Variants in CCDC149 observed in about 807,000 individuals in gnomAD.
CCDC149 encodes coiled-coil domain containing 149.
CCDC149 carries 45 observed loss-of-function variants against 59.9 expected under a neutral mutation model. That is an observed-to-expected ratio of 0.75 (90% confidence interval 0.59 to 0.96). The LOEUF is 0.96. Among genes scored for constraint, CCDC149 ranks in the 40% least tolerant of loss-of-function variants. The pLI, the probability that CCDC149 is intolerant of heterozygous loss-of-function variation, is 0.00. For synonymous variants in CCDC149, 245 were observed against 260.6 expected (o/e 0.94, Z 0.58); for missense variants, 584 against 664.7 (o/e 0.88, Z 1.33).
At chr4:24,952,159 C>A (rs886490387) in intron 1 of CCDC149, among the ~76,000 whole-genome samples, 3 of 152,180 alleles carry the variant, frequency 2.0e-5, no homozygotes, top group Non-Finnish European at 4.4e-5. Context: ...GTGAAGCATA[C>A]GTGTACACAT....
At position 24,874,275 on chromosome 4, in the gene CCDC149, G is replaced by GTTTT. The variant is rs869276822; in HGVS notation, c.226-560_226-557dup. On this transcript the variant is annotated intron_variant, in intron 2 of 12. Transcript: ENST00000635206. ...TTTTTTTTTTGTTTTGTTTTTTTTTGTTTTTTTGCCTTAAAAGGATTCTGG... is the reference window on the plus strand; with the variant it reads ...TTTTTTTTTTGTTTTGTTTTTTTTTGTTTTTTTTTTTGCCTTAAAAGGATTCTGG... 1.8e-4 allele frequency among the ~76,000 whole-genome samples: 6 copies of GTTTT among 33,844 alleles called. 1 individual carries two copies. Among genetic ancestry groups the GTTTT allele is most frequent in the African/African-American group, 4.4e-4 (6 of 13,678 alleles). 22.2% of individuals were successfully genotyped at this position (33,844 alleles called of 152,430 possible).
At position 24,856,148 on chromosome 4, in the gene CCDC149, T is replaced by C. The variant is rs562749229; in HGVS notation, c.265-2969A>G. Among the ~76,000 whole-genome samples the C allele has an allele frequency of 1.5e-4, 9 of 60,382 alleles. No individual in the cohort carries two copies. In the East Asian group the frequency reaches 8.9e-3, roughly 60 times the overall value. The allele number at this position is 60,382 out of a possible 152,430, so 39.6% of individuals were successfully genotyped here. On this transcript the variant is annotated intron_variant, in intron 3 of 12. Transcript: ENST00000635206. ...CGCTCAGTGAACAGAGCTGTGTAAA[T>C]GCAGCGAAGGCCTCTCCTTGGACAC...
intron 1 of CCDC149, among the ~76,000 whole-genome samples, chr4:24,947,975 A>G (rs1282551937): frequency 1.3e-5 from 2 of 152,204 alleles, no homozygotes; most frequent in African/African-American, 4.8e-5. Context: ...AAAATATAAC[A>G]GTGACTTCGA....
chr4:24,938,889 C>T (rs934655477), intron 1 of CCDC149, among the ~76,000 whole-genome samples: 10 of 150,546 alleles, frequency 6.6e-5, no homozygotes, highest in African/African-American at 2.0e-4. Flanking sequence ...GTAAACAAAG[C>T]GGCCGGGAAG....
At chr4:24,812,984 T>C (rs773686034) in intron 12 of CCDC149, among the ~76,000 whole-genome samples, 44 of 152,154 alleles carry the variant, frequency 2.9e-4, no homozygotes, top group Non-Finnish European at 5.0e-4. Flanking sequence ...CATATCACCC[T>C]CAGTGCTGTA....
chr4:24,814,898 T>C (rs1439545081), intron 12 of CCDC149, among the ~76,000 whole-genome samples: 1 of 152,224 alleles, frequency 6.6e-6, no homozygotes, highest in African/African-American at 2.4e-5. Context: ...ACTTAGAAAG[T>C]TGATTCCTCC....
At chr4:24,879,858 C>A (rs1033368453) in intron 1 of CCDC149, among the ~76,000 whole-genome samples, 3 of 152,278 alleles carry the variant, frequency 2.0e-5, no homozygotes, top group African/African-American at 7.2e-5. Context: ...TCTTATCCAG[C>A]CCATACTTTA....
intron 3 of CCDC149, among the ~76,000 whole-genome samples, chr4:24,870,324 A>G (rs1030711097): frequency 2.6e-5 from 4 of 152,230 alleles, no homozygotes; most frequent in African/African-American, 9.6e-5. Context: ...TGACAACTTC[A>G]TGAAGCCATA....
At chr4:24,931,417 C>T (rs79529429) in intron 1 of CCDC149, among the ~76,000 whole-genome samples, 2,466 of 151,128 alleles carry the variant, frequency 0.016, 85 homozygotes, top group African/African-American at 0.057. Flanking sequence ...ATATTTTGCT[C>T]CTACTACATA....
intron 1 of CCDC149, among the ~76,000 whole-genome samples, chr4:24,937,422 T>A (rs1264520202): frequency 6.6e-6 from 1 of 152,246 alleles, no homozygotes; most frequent in Non-Finnish European, 1.5e-5. Flanking sequence ...TAGACTAGGC[T>A]ATGCTGCAAT....
intron 12 of CCDC149, among the ~76,000 whole-genome samples, chr4:24,812,259 C>T (rs561469405): frequency 7.2e-5 from 11 of 152,308 alleles, no homozygotes; most frequent in Non-Finnish European, 1.0e-4. Context: ...CCTACATATG[C>T]CTTCCCAGTT....
chr4:24,916,787 G>GGGGTGT (rs145861125), upstream of CCDC149, among the ~76,000 whole-genome samples: 2 of 141,922 alleles, frequency 1.4e-5, no homozygotes, highest in Non-Finnish European at 3.1e-5. Context: ...GGTTTATAAT[G>GGGGTGT]GTGTGTGTGT....
intron 1 of CCDC149, among the ~76,000 whole-genome samples, chr4:24,922,172 A>G (rs1722313888): frequency 6.6e-6 from 1 of 152,190 alleles, no homozygotes; most frequent in African/African-American, 2.4e-5. Flanking sequence ...TTAACTAATT[A>G]CATCTGCAAT....
At chr4:24,944,405 G>A (rs1486700775) in intron 1 of CCDC149, among the ~76,000 whole-genome samples, 2 of 152,046 alleles carry the variant, frequency 1.3e-5, no homozygotes, top group African/African-American at 2.4e-5. Flanking sequence ...GTTGTGGGGT[G>A]GGGGGATGGG....
At chr4:24,846,641 A>G (rs1717306381) in intron 4 of CCDC149, among the ~76,000 whole-genome samples, 1 of 152,202 alleles carries the variant, frequency 6.6e-6, no homozygotes, top group Non-Finnish European at 1.5e-5. Context: ...TGTTCACAGA[A>G]GGTCTCTATC....
intron 1 of CCDC149, among the ~76,000 whole-genome samples, chr4:24,933,874 G>A (rs1722662606): frequency 6.6e-6 from 1 of 152,152 alleles, no homozygotes; most frequent in South Asian, 2.1e-4. Context: ...TCAGCTGGAT[G>A]GTTCTTCTGC....
chr4:24,833,243 C>T (rs1288780379), intron 8 of CCDC149, among the ~76,000 whole-genome samples: 4 of 151,418 alleles, frequency 2.6e-5, no homozygotes, highest in Non-Finnish European at 5.9e-5. Flanking sequence ...AAAAAAAACC[C>T]GGCTTTTTTC....
intron 12 of CCDC149, among the ~76,000 whole-genome samples, chr4:24,809,901 T>C (rs1714485098): frequency 6.6e-6 from 1 of 152,236 alleles, no homozygotes; most frequent in Admixed American, 6.5e-5. Flanking sequence ...TTAGAAAGGA[T>C]GTTGAGCATC....
chr4:24,804,413 C>T (rs1714048649), downstream of CCDC149, among the ~76,000 whole-genome samples: 5 of 149,040 alleles, frequency 3.4e-5, no homozygotes, highest in South Asian at 1.1e-3. Flanking sequence ...ATCGCTTGAA[C>T]TCGGGAAGTG....
Sources: allele counts gnomAD v4.1 joint callset (sites outside exome capture counted in the v4.1 genomes callset), GRCh38; gene constraint gnomAD v4.1.1; transcripts MANE v1.5; gene names NCBI Gene and HGNC (gene_info 2026-07-23, HGNC 2026-07-21).